ANO4: variants seen among roughly 807,000 people sequenced by gnomAD.
ANO4 encodes the protein anoctamin-4.
In ANO4, 69 loss-of-function variants were observed where a neutral mutation model predicts 141.9. That is an observed-to-expected ratio of 0.49 (90% confidence interval 0.40 to 0.59). The LOEUF is 0.59. Ranked by LOEUF, ANO4 falls within the 20% of genes least tolerant of loss-of-function variation. The probability of loss-of-function intolerance (pLI) is 0.00; values close to 1 mark genes in which losing one functional copy is unlikely to be tolerated. For synonymous variants in ANO4, 350 were observed against 394.3 expected (o/e 0.89, Z 1.33); for missense variants, 894 against 1,162.2 (o/e 0.77, Z 3.36).
At chr12:101,101,858 G>A (rs2050200666) in intron 22 of ANO4, among the ~76,000 whole-genome samples, 1 of 152,064 alleles carries the variant, frequency 6.6e-6, no homozygotes, top group Non-Finnish European at 1.5e-5. Context: ...CAAGGCAGGT[G>A]GATCACCTGA....
chr12:100,803,005 C>T (rs1173265760), intron 1 of ANO4, among the ~76,000 whole-genome samples: 2 of 152,044 alleles, frequency 1.3e-5, no homozygotes, highest in African/African-American at 4.8e-5. Context: ...AATTGGAGTA[C>T]TGTGAACAAA....
At chr12:100,753,476 GTCC>G (rs144556041) in intron 3 of ANO4, among the ~76,000 whole-genome samples, 7,424 of 152,174 alleles carry the variant, frequency 0.049, 518 homozygotes, top group African/African-American at 0.16. Context: ...TGGGTAGATT[GTCC>G]TCCTTTTACC....
chr12:100,989,454 A>C (rs2044935898), intron 8 of ANO4, among the ~76,000 whole-genome samples: 1 of 152,174 alleles, frequency 6.6e-6, no homozygotes, highest in Admixed American at 6.5e-5. Flanking sequence ...CTGTGCTTCT[A>C]CCTGTTTATG....
intron 2 of ANO4, among the ~76,000 whole-genome samples, chr12:100,910,122 A>G (rs975378482): frequency 6.6e-6 from 1 of 152,226 alleles, no homozygotes; most frequent in African/African-American, 2.4e-5. Context: ...TATGTCTGGC[A>G]ATCCTACATA....
intron 27 of ANO4, 114 bp downstream of exon 27, chr12:101,127,188 T>G: frequency 9.1e-7 from 1 of 1,097,968 alleles, no homozygotes; most frequent in East Asian, 2.6e-5. Flanking sequence ...AATAAACTCC[T>G]TAGAAGCTTC....
intron 14 of ANO4, among the ~76,000 whole-genome samples, chr12:101,051,345 A>G (rs2047862325): frequency 6.6e-6 from 1 of 152,176 alleles, no homozygotes; most frequent in African/African-American, 2.4e-5. Context: ...TGGATGTTTT[A>G]TAATAAACTT....
chr12:100,931,465 A>G (rs2042085266), intron 3 of ANO4, among the ~76,000 whole-genome samples: 1 of 152,188 alleles, frequency 6.6e-6, no homozygotes, highest in South Asian at 2.1e-4. Context: ...CCAGCTAGAA[A>G]TGGTATGGAT....
intron 1 of ANO4, among the ~76,000 whole-genome samples, chr12:100,820,898 A>C (rs1003332201): frequency 6.6e-6 from 1 of 151,976 alleles, no homozygotes; most frequent in Non-Finnish European, 1.5e-5. Flanking sequence ...TTAACGATGC[A>C]AAGTCCGGTG....
At chr12:100,894,763 G>T (rs1419084962) in intron 1 of ANO4, among the ~76,000 whole-genome samples, 1 of 151,860 alleles carries the variant, frequency 6.6e-6, no homozygotes, top group African/African-American at 2.4e-5. Flanking sequence ...TCAGGAGATT[G>T]AGACCATCCC....
At chr12:101,019,856 C>T (rs2046453067) in intron 8 of ANO4, among the ~76,000 whole-genome samples, 178 bp from the exon 9 acceptor site, 1 of 152,176 alleles carries the variant, frequency 6.6e-6, no homozygotes, top group Admixed American at 6.5e-5. Context: ...ACCAAAACTA[C>T]TCATACCTAT....
At chr12:101,071,313 A>G (rs1262791761) in intron 14 of ANO4, among the ~76,000 whole-genome samples, 1 of 151,832 alleles carries the variant, frequency 6.6e-6, no homozygotes, top group Non-Finnish European at 1.5e-5. Context: ...TGGCACTTAT[A>G]CACAATGAAG....
At chr12:100,837,871 T>C (rs1287428526) in intron 1 of ANO4, among the ~76,000 whole-genome samples, 1 of 152,178 alleles carries the variant, frequency 6.6e-6, no homozygotes, top group Non-Finnish European at 1.5e-5. Context: ...CATGAGGTTG[T>C]CTGATACAAA....
At chr12:100,984,960 G>T (rs908624895) in intron 7 of ANO4, among the ~76,000 whole-genome samples, 1 of 151,360 alleles carries the variant, frequency 6.6e-6, no homozygotes, top group Non-Finnish European at 1.5e-5. Flanking sequence ...GCTGAGCACT[G>T]TACCCAGCTG....
At chr12:100,983,299 T>C (rs1257115260) in intron 7 of ANO4, among the ~76,000 whole-genome samples, 1 of 152,184 alleles carries the variant, frequency 6.6e-6, no homozygotes, top group East Asian at 1.9e-4. Flanking sequence ...GAGAGTGTTT[T>C]AAGAGGTGTA....
At chr12:101,028,130 A>G (rs1207659294) in intron 9 of ANO4, among the ~76,000 whole-genome samples, 1 of 152,180 alleles carries the variant, frequency 6.6e-6, no homozygotes, top group Non-Finnish European at 1.5e-5. Flanking sequence ...AGCAACAACA[A>G]CAGCATCAAT....
chr12:100,951,542 A>T (rs576405241), intron 5 of ANO4, among the ~76,000 whole-genome samples: 1 of 152,314 alleles, frequency 6.6e-6, no homozygotes, highest in Admixed American at 6.5e-5. Context: ...AGGGACATGG[A>T]TGGAGCTGGA....
intron 1 of ANO4, among the ~76,000 whole-genome samples, chr12:100,882,676 T>A (rs1315769590): frequency 1.1e-5 from 1 of 93,718 alleles, no homozygotes; most frequent in African/African-American, 4.9e-5. Context: ...TGGAACTCTG[T>A]TTTTTTTGTT....
chr12:100,853,879 C>T (rs1424282507), intron 1 of ANO4, among the ~76,000 whole-genome samples: 3 of 152,022 alleles, frequency 2.0e-5, no homozygotes, highest in Non-Finnish European at 4.4e-5. Context: ...TTACTTATAC[C>T]TGCTTTTTGA....
rs1332164532 is a variant in ANO4 at position 100,788,271 on chromosome 12, A to T, written c.358+48166A>T. Among the ~76,000 whole-genome samples, 9 of 152,324 alleles carry T rather than the reference A, an allele frequency of 5.9e-5. No homozygotes were observed. In the East Asian group the frequency reaches 1.5e-3, roughly 26 times the overall value. ...TCTTCCCAGGATAGACTTGGACCAG[A>T]TCGATTTTAACATAAAATAAGAGAA... is the stretch of plus-strand genomic sequence containing the variant. On this transcript the variant is annotated intron_variant, in intron 3 of 29. Transcript: ENST00000644049.
Sources: gnomAD v4.1 joint callset for allele counts (sites outside exome capture counted in the v4.1 genomes callset) on GRCh38, gnomAD v4.1.1 for gene constraint, MANE v1.5 for transcripts, NCBI Gene and HGNC (gene_info 2026-07-23, HGNC 2026-07-21) for gene names.